Variants in NOL4 observed in about 807,000 individuals in gnomAD.
The protein encoded by NOL4 is cancer/testis antigen 125.
A neutral mutation model predicts 75.9 loss-of-function variants in NOL4; 17 were observed. The observed-to-expected ratio is 0.22, with a 90% confidence interval of 0.15 to 0.34. The LOEUF is 0.34. NOL4 is among the 10% of genes least tolerant of loss of function. NOL4 has a pLI of 1.00. For missense variants in NOL4, 614 were observed against 793.5 expected (o/e 0.77, Z 2.72); for synonymous variants, 292 against 289.9 (o/e 1.01, Z -0.07).
chr18:33,959,189 G>A (rs2069899679), intron 6 of NOL4, among the ~76,000 whole-genome samples: 1 of 152,038 alleles, frequency 6.6e-6, no homozygotes, highest in South Asian at 2.1e-4. Flanking sequence ...TTAAACATCT[G>A]AAAAATTGAA....
chr18:34,150,581 A>C (rs1329838102), intron 1 of NOL4, among the ~76,000 whole-genome samples: 2 of 151,718 alleles, frequency 1.3e-5, no homozygotes, highest in African/African-American at 4.8e-5. Context: ...TCAAAAAGAA[A>C]ACTGAAAATG....
intron 9 of NOL4, among the ~76,000 whole-genome samples, chr18:33,886,622 T>C (rs1195829720): frequency 6.6e-6 from 1 of 150,416 alleles, no homozygotes; most frequent in Admixed American, 6.6e-5. Context: ...TAGTTTCACA[T>C]ATTAAAATAA....
intron 1 of NOL4, among the ~76,000 whole-genome samples, chr18:34,209,674 T>C (rs1330592167): frequency 1.3e-5 from 2 of 152,172 alleles, no homozygotes; most frequent in Admixed American, 1.3e-4. Flanking sequence ...GAAATTGAAG[T>C]AGTATAAAAC....
chr18:34,007,058 G>C (rs989819564), intron 6 of NOL4, among the ~76,000 whole-genome samples: 3 of 151,930 alleles, frequency 2.0e-5, no homozygotes, highest in Non-Finnish European at 2.9e-5. Context: ...TAGTTCCAGG[G>C]AGATAAATGC....
At chr18:33,995,584 T>A (rs1052002935) in intron 6 of NOL4, among the ~76,000 whole-genome samples, 4 of 151,700 alleles carry the variant, frequency 2.6e-5, no homozygotes, top group Non-Finnish European at 5.9e-5. Context: ...GGGAACTTAA[T>A]GAATCTCAGA....
intron 1 of NOL4, among the ~76,000 whole-genome samples, chr18:34,134,483 C>CACACACACACAT (rs2080807423): frequency 6.8e-6 from 1 of 147,560 alleles, no homozygotes; most frequent in Non-Finnish European, 1.5e-5. Flanking sequence ...CACACACACA[C>CACACACACACAT]ACACACACAC....
chr18:34,050,357 C>T (rs1409728145), intron 5 of NOL4, among the ~76,000 whole-genome samples: 1 of 152,018 alleles, frequency 6.6e-6, no homozygotes, highest in Non-Finnish European at 1.5e-5. Context: ...ATATGGTTTA[C>T]TTTCAAAATC....
intron 10 of NOL4, among the ~76,000 whole-genome samples, chr18:33,872,029 C>T (rs1421056791): frequency 6.6e-6 from 1 of 151,850 alleles, no homozygotes; most frequent in Admixed American, 6.6e-5. Context: ...TCAAAATTTA[C>T]AAATAAGAAT....
chr18:34,111,590 T>C (rs2079591692), intron 2 of NOL4, among the ~76,000 whole-genome samples: 1 of 152,158 alleles, frequency 6.6e-6, no homozygotes, highest in African/African-American at 2.4e-5. Context: ...TCCATAACTA[T>C]GGGTAATAAA....
At chr18:34,206,732 C>T (rs1003886783) in intron 1 of NOL4, among the ~76,000 whole-genome samples, 1 of 151,942 alleles carries the variant, frequency 6.6e-6, no homozygotes, top group Admixed American at 6.6e-5. Flanking sequence ...TGTTTCAGTT[C>T]CACCAAGCAT....
chr18:34,203,715 TCTCACACA>T (rs1357875381), intron 1 of NOL4, among the ~76,000 whole-genome samples: 5 of 59,602 alleles, frequency 8.4e-5, no homozygotes, highest in Non-Finnish European at 8.6e-5. Flanking sequence ...TCTCTCTCTC[TCTCACACA>T]CACACACACA....
intron 4 of NOL4, among the ~76,000 whole-genome samples, chr18:34,103,675 GC>G (rs1332639120): frequency 6.6e-6 from 1 of 151,988 alleles, no homozygotes; most frequent in African/African-American, 2.4e-5. Flanking sequence ...TGATTGCCAT[GC>G]AAAATAGCCT....
chr18:34,147,931 G>A (rs954266480), intron 1 of NOL4, among the ~76,000 whole-genome samples: 4 of 151,940 alleles, frequency 2.6e-5, no homozygotes, highest in East Asian at 3.9e-4. Flanking sequence ...ACTTCTTCCC[G>A]GTTTAGTTTT....
rs138529671 is a variant in NOL4 at position 34,187,271 on chromosome 18, G to A, written c.264+35719C>T. 1.6e-3 allele frequency among the ~76,000 whole-genome samples: 247 copies of A among 151,284 alleles called. 1 individual carries two copies. Among genetic ancestry groups the A allele is most frequent in the African/African-American group, 5.7e-3 (235 of 41,186 alleles). On this transcript the variant is annotated intron_variant, in intron 1 of 10. Coordinates refer to ENST00000261592, the MANE Select transcript of NOL4 (RefSeq NM_003787.5). Reference sequence around the variant, plus strand: ...GCTTTTTCCAGAGTGTCAGATAATTGGAATCATACATCATGTAACCTTTTC... The same window carrying A: ...GCTTTTTCCAGAGTGTCAGATAATTAGAATCATACATCATGTAACCTTTTC...
intron 2 of NOL4, among the ~76,000 whole-genome samples, chr18:34,124,214 G>T (rs1161025042): frequency 6.6e-6 from 1 of 152,152 alleles, no homozygotes; most frequent in Non-Finnish European, 1.5e-5. Context: ...TTCTAAGCCT[G>T]ATAGAGATTT....
chr18:34,200,298 C>A (rs924378694), intron 1 of NOL4, among the ~76,000 whole-genome samples: 2 of 151,856 alleles, frequency 1.3e-5, no homozygotes, highest in Non-Finnish European at 3.0e-5. Context: ...CCAAACAAAA[C>A]GTGCCTCATA....
rs951394864 is a variant in NOL4, at chr18:34,146,440, C to T, written c.265-16420G>A. Among the ~76,000 whole-genome samples, 7 of 152,164 alleles carry T rather than the reference C, an allele frequency of 4.6e-5. No individual in the cohort carries two copies. The East Asian group carries it at 7.7e-4, about 17-fold the overall frequency. ...GAAGTGGTTCAGTTTCAGTTTTCTG[C>T]AATGGCTAGCCAGTTTTCCCAACAT... On this transcript the variant is annotated intron_variant, in intron 1 of 10. Transcript: ENST00000261592.
intron 6 of NOL4, among the ~76,000 whole-genome samples, chr18:33,993,184 TACAGCATTAGTCTGA>T (rs2073046050): frequency 6.6e-6 from 1 of 151,960 alleles, no homozygotes. Flanking sequence ...CCTTAGTCTG[TACAGCATTAGTCTGA>T]ACAGCAAATT....
intron 3 of NOL4, among the ~76,000 whole-genome samples, chr18:34,104,558 C>A (rs2079182711): frequency 6.6e-6 from 1 of 151,706 alleles, no homozygotes; most frequent in Non-Finnish European, 1.5e-5. Context: ...AATGAGCCAG[C>A]AAAAAATGTA....
Sources: gnomAD v4.1 joint callset for allele counts (sites outside exome capture counted in the v4.1 genomes callset) on GRCh38, gnomAD v4.1.1 for gene constraint, MANE v1.5 for transcripts, NCBI Gene and HGNC (gene_info 2026-07-23, HGNC 2026-07-21) for gene names.